CAMKMT: variants seen among roughly 807,000 people sequenced by gnomAD.
The protein encoded by CAMKMT is CaM KMT.
CAMKMT carries 53 observed loss-of-function variants against 48.0 expected under a neutral mutation model. That is an observed-to-expected ratio of 1.10 (90% CI 0.89 to 1.39). The LOEUF is 1.39. CAMKMT is among the 40% of genes most tolerant of loss of function. The pLI, the probability that CAMKMT is intolerant of heterozygous loss-of-function variation, is 0.00. For missense variants in CAMKMT, 428 were observed against 402.7 expected (o/e 1.06, Z -0.54); for synonymous variants, 165 against 152.3 (o/e 1.08, Z -0.61).
rs1573008991 is a variant in CAMKMT at position 44,657,855 on chromosome 2, G to T, written c.377-46428G>T. Among the ~76,000 whole-genome samples the T allele has an allele frequency of 1.3e-5, 2 of 152,126 alleles. No individual in the cohort carries two copies. Among genetic ancestry groups the T allele is most frequent in the Middle Eastern group, 3.4e-3 (1 of 294 alleles). On this transcript the variant is annotated intron_variant, in intron 3 of 10. Coordinates refer to ENST00000378494, the MANE Select transcript of CAMKMT (RefSeq NM_024766.5). The surrounding 1 kb of genome is among the most constrained non-coding windows in gnomAD (Gnocchi z 4.3). ...TTAGAGCTGGAGTCCAAAATAGTAT[G>T]GCATACTTAACGTTTATCTAACATC...
At chr2:44,415,076 G>C (rs1479059470) in intron 3 of CAMKMT, among the ~76,000 whole-genome samples, 1 of 152,144 alleles carries the variant, frequency 6.6e-6, no homozygotes, top group African/African-American at 2.4e-5. Flanking sequence ...ACTTGAACCC[G>C]GGAGGCAGAG....
intron 3 of CAMKMT, among the ~76,000 whole-genome samples, chr2:44,470,992 C>T (rs1427670828): frequency 1.8e-5 from 2 of 112,986 alleles, no homozygotes; most frequent in African/African-American, 3.1e-5. Flanking sequence ...CTCTCTCTCT[C>T]TCTTTTTTTT....
intron 3 of CAMKMT, among the ~76,000 whole-genome samples, chr2:44,628,990 C>T (rs953436224): frequency 5.9e-5 from 9 of 151,962 alleles, no homozygotes; most frequent in Admixed American, 1.3e-4. Flanking sequence ...TATATTCTGC[C>T]CTTGTTTGAG....
At chr2:44,661,113 A>G (rs1157750102) in intron 3 of CAMKMT, among the ~76,000 whole-genome samples, 2 of 152,078 alleles carry the variant, frequency 1.3e-5, no homozygotes, top group East Asian at 1.9e-4. Flanking sequence ...TCTTTATACC[A>G]TTCAATAATG....
At chr2:44,437,437 C>T (rs1036671731) in intron 3 of CAMKMT, among the ~76,000 whole-genome samples, 2 of 148,602 alleles carry the variant, frequency 1.3e-5, no homozygotes, top group Non-Finnish European at 1.5e-5. Context: ...TGGCAAGGGA[C>T]CTGGGGCCGT....
chr2:44,673,504 A>AGGAAGGAAGGAAGGAAGGAG (rs753071180), intron 3 of CAMKMT, among the ~76,000 whole-genome samples: 6 of 144,058 alleles, frequency 4.2e-5, no homozygotes, highest in East Asian at 2.0e-4. Context: ...GAAGGAAGGA[A>AGGAAGGAAGGAAGGAAGGAG]GGAAGGAAGG....
intron 3 of CAMKMT, among the ~76,000 whole-genome samples, chr2:44,522,670 C>G (rs1458959970): frequency 2.0e-5 from 3 of 152,116 alleles, no homozygotes; most frequent in Admixed American, 1.3e-4. Context: ...TTATTTTTAC[C>G]TTGAAGGCAT....
At chr2:44,641,294 G>A (rs1444802575) in intron 3 of CAMKMT, among the ~76,000 whole-genome samples, 1 of 151,940 alleles carries the variant, frequency 6.6e-6, no homozygotes, top group African/African-American at 2.4e-5. Flanking sequence ...TTTTTCTAAT[G>A]TACATCTTTT....
At chr2:44,443,892 A>C (rs1411489225) in intron 3 of CAMKMT, among the ~76,000 whole-genome samples, 1 of 152,218 alleles carries the variant, frequency 6.6e-6, no homozygotes, top group Non-Finnish European at 1.5e-5. Context: ...GTCTAATGGC[A>C]CAGAATTGGG....
At chr2:44,363,903 C>G (rs1182414869) in intron 1 of CAMKMT, among the ~76,000 whole-genome samples, 1 of 151,736 alleles carries the variant, frequency 6.6e-6, no homozygotes. Context: ...GTTGGCCAGG[C>G]TGGTCTCAAA....
chr2:44,741,255 G>A (rs1485732126), intron 7 of CAMKMT, among the ~76,000 whole-genome samples: 2 of 152,302 alleles, frequency 1.3e-5, no homozygotes, highest in South Asian at 4.1e-4. Flanking sequence ...ATGCTCTCAC[G>A]AGCATGCATG....
chr2:44,692,338 C>T (rs1325992848), intron 3 of CAMKMT, among the ~76,000 whole-genome samples: 1 of 152,088 alleles, frequency 6.6e-6, no homozygotes, highest in Non-Finnish European at 1.5e-5. Context: ...CACAGCACCC[C>T]ATGAGAAGGT....
chr2:44,397,504 G>A (rs187003887), intron 3 of CAMKMT, among the ~76,000 whole-genome samples: 2 of 152,082 alleles, frequency 1.3e-5, no homozygotes, highest in Non-Finnish European at 2.9e-5. Flanking sequence ...GGTTGGCTTC[G>A]GTTGCTAGAT....
At chr2:44,654,266 T>A (rs1035899660) in intron 3 of CAMKMT, among the ~76,000 whole-genome samples, 5 of 152,186 alleles carry the variant, frequency 3.3e-5, no homozygotes, top group Non-Finnish European at 7.3e-5. Flanking sequence ...AATTTAGGTT[T>A]AGAATTATAT....
At chr2:44,393,596 C>T (rs1572739168) in intron 3 of CAMKMT, 1 of 152,180 alleles carries the variant, frequency 6.6e-6, no homozygotes, top group African/African-American at 2.4e-5. Context: ...ATCAAAGCTT[C>T]TTGGTCAGGA....
At chr2:44,480,553 A>G (rs1468822143) in intron 3 of CAMKMT, among the ~76,000 whole-genome samples, 1 of 152,190 alleles carries the variant, frequency 6.6e-6, no homozygotes, top group Non-Finnish European at 1.5e-5. Context: ...GCTCAAATTA[A>G]TTATCCAGAA....
chr2:44,522,355 A>T (rs569408691), intron 3 of CAMKMT, among the ~76,000 whole-genome samples: 1 of 152,150 alleles, frequency 6.6e-6, no homozygotes, highest in African/African-American at 2.4e-5. Context: ...AACTGATACA[A>T]TTCCTTTAAA....
intron 3 of CAMKMT, among the ~76,000 whole-genome samples, chr2:44,690,146 T>A (rs1339088404): frequency 6.6e-6 from 1 of 152,218 alleles, no homozygotes; most frequent in African/African-American, 2.4e-5. Flanking sequence ...GAGGTTTAAA[T>A]TTGAGATTAT....
At chr2:44,713,748 A>T (rs925370139) in intron 6 of CAMKMT, among the ~76,000 whole-genome samples, 2 of 152,188 alleles carry the variant, frequency 1.3e-5, no homozygotes, top group African/African-American at 2.4e-5. Context: ...GAAGAAAGCT[A>T]TCACAGTACC....
Sources: gnomAD v4.1 joint callset for allele counts (sites outside exome capture counted in the v4.1 genomes callset) on GRCh38, gnomAD v4.1.1 for gene constraint, Gnocchi (gnomAD v3.1) non-coding constraint, MANE v1.5 for transcripts, NCBI Gene and HGNC (gene_info 2026-07-23, HGNC 2026-07-21) for gene names.